Variants in CLIC6 observed in about 807,000 individuals in gnomAD.
CLIC6 encodes chloride intracellular channel protein 6.
Under a neutral mutation model 49.2 loss-of-function variants are expected in CLIC6, and 39 were observed. That is an observed-to-expected ratio of 0.79 (90% CI 0.61 to 1.04). The LOEUF (loss-of-function observed/expected upper bound fraction) is 1.04. Ranked by LOEUF, CLIC6 falls within the 50% of genes least tolerant of loss-of-function variation. CLIC6 has a pLI of 0.00. For missense variants in CLIC6, 988 were observed against 993.1 expected (o/e 0.99, Z 0.07); for synonymous variants, 446 against 433.4 (o/e 1.03, Z -0.36).
At chr21:34,711,528 C>CAAAT (rs35370301) in intron 5 of CLIC6, among the ~76,000 whole-genome samples, 247 of 148,412 alleles carry the variant, frequency 1.7e-3, no homozygotes, top group Non-Finnish European at 2.0e-3. Flanking sequence ...AATAAACAAA[C>CAAAT]AAATAAATAA....
chr21:34,704,149 A>G (rs2055998564), intron 1 of CLIC6, among the ~76,000 whole-genome samples: 1 of 152,246 alleles, frequency 6.6e-6, no homozygotes, highest in African/African-American at 2.4e-5. Context: ...TTATGGCGAC[A>G]GTGTCAGTTA....
intron 1 of CLIC6, among the ~76,000 whole-genome samples, chr21:34,694,271 G>A (rs61634545): frequency 0.017 from 2,568 of 150,902 alleles, 77 homozygotes; most frequent in African/African-American, 0.06. Flanking sequence ...GAGCCATCGC[G>A]CCCGGCCAAG....
At chr21:34,670,876 A>G (rs1015308154) in intron 1 of CLIC6, 114 bp downstream of exon 1, 3 of 1,208,794 alleles carry the variant, frequency 2.5e-6, no homozygotes, top group Middle Eastern at 2.4e-4. Context: ...CCTGATTGTC[A>G]TCAGGCGCTT....
intron 1 of CLIC6, among the ~76,000 whole-genome samples, chr21:34,693,980 T>TC (rs1990045773): frequency 1.4e-5 from 2 of 141,288 alleles, no homozygotes; most frequent in South Asian, 4.3e-4. Context: ...GTTTTCTTTT[T>TC]TTTTTTTTTT....
At chr21:34,700,218 A>G (rs960107877) in intron 1 of CLIC6, among the ~76,000 whole-genome samples, 1 of 151,728 alleles carries the variant, frequency 6.6e-6, no homozygotes, top group Admixed American at 6.6e-5. Flanking sequence ...TTGGCCGAGG[A>G]GGGCGGATCA....
At chr21:34,707,685 G>A (rs1169361193) in intron 2 of CLIC6, among the ~76,000 whole-genome samples, 1 of 152,154 alleles carries the variant, frequency 6.6e-6, no homozygotes, top group East Asian at 1.9e-4. Flanking sequence ...ATAACACTGG[G>A]GAGAGTTAAC....
chr21:34,690,015 T>C (rs1989960705), intron 1 of CLIC6, among the ~76,000 whole-genome samples: 1 of 152,244 alleles, frequency 6.6e-6, no homozygotes, highest in African/African-American at 2.4e-5. Context: ...TCCTTTATTC[T>C]TGGAAAAGAC....
intron 1 of CLIC6, among the ~76,000 whole-genome samples, chr21:34,686,294 G>A (rs1303642413): frequency 6.6e-6 from 1 of 152,172 alleles, no homozygotes; most frequent in African/African-American, 2.4e-5. Flanking sequence ...TCAGCTACTT[G>A]GGTGGCTGAG....
intron 1 of CLIC6, among the ~76,000 whole-genome samples, chr21:34,692,946 T>G (rs1990022288): frequency 6.6e-6 from 1 of 152,190 alleles, no homozygotes; most frequent in South Asian, 2.1e-4. Flanking sequence ...GCATATGGGG[T>G]GACCCTACTC....
chr21:34,708,380 T>G (rs748421744), intron 3 of CLIC6, among the ~76,000 whole-genome samples: 4 of 152,084 alleles, frequency 2.6e-5, no homozygotes, highest in Non-Finnish European at 5.9e-5. Flanking sequence ...GTATCATGGA[T>G]TTTTGGACCT....
chr21:34,670,514 C>A lies in CLIC6; in HGVS notation c.1126C>A (p.Arg376=). Residue 376 remains arginine, a synonymous_variant, in exon 1 of 6, where the codon CGG becomes AGG. Transcript: ENST00000349499. ...GGGGGAGGACGAAGAGAGACGAGAG[C>A]GGAGCCCGGAGGGGCCAAGGGAGGA... ...EPGEDEERRE[R]SPEGPREEEA... 1 of 1,493,676 alleles carries A rather than the reference C, an allele frequency of 6.7e-7. No individual in the cohort carries two copies. Among genetic ancestry groups the A allele is most frequent in the Non-Finnish European group, 8.9e-7 (1 of 1,121,030 alleles). The allele number at this position is 1,493,676 out of a possible 1,614,324, so 92.5% of individuals were successfully genotyped here. A position where few individuals can be genotyped will look rare whatever the true frequency, so the allele number is the denominator to read the frequency against.
intron 1 of CLIC6, among the ~76,000 whole-genome samples, chr21:34,691,064 G>A (rs1989983845): frequency 2.0e-5 from 3 of 152,112 alleles, no homozygotes; most frequent in South Asian, 4.1e-4. Context: ...GGAAGGTAAA[G>A]TTTCCAGATA....
chr21:34,716,471 A>C lies in CLIC6; in HGVS notation c.2050A>C (p.Arg684=), dbSNP rs546336753. 4.3e-6 allele frequency: 7 copies of C among 1,610,042 alleles called. No individual in the cohort carries two copies. The highest frequency in any genetic ancestry group is 5.9e-6 in the Non-Finnish European group (7 of 1,178,518). The change falls in exon 6 of 6, where the codon AGA becomes CGA. Residue 684 remains arginine, a synonymous_variant. Coordinates refer to ENST00000349499, the MANE Select transcript of CLIC6 (RefSeq NM_053277.3). ...ACACGCATATTCAGATGTTGCAAAA[A>C]GAATGAAATGAAGCTGGGCTGTTTT... ...IEHAYSDVAK[R]MK
At chr21:34,671,131 AAAAAAAAAAAAG>A (rs1481982820) in intron 1 of CLIC6, among the ~76,000 whole-genome samples, 3 of 103,914 alleles carry the variant, frequency 2.9e-5, no homozygotes, top group East Asian at 5.8e-4. Flanking sequence ...TAAAAAAAAA[AAAAAAAAAAAAG>A]AAGAAGAAGA....
intron 1 of CLIC6, among the ~76,000 whole-genome samples, chr21:34,685,130 G>C (rs1236591080): frequency 6.6e-6 from 1 of 152,166 alleles, no homozygotes; most frequent in African/African-American, 2.4e-5. Flanking sequence ...GGGTGGCAGG[G>C]TGGGGGGTGG....
chr21:34,717,347 C>A lies in CLIC6; in HGVS notation c.*865C>A, dbSNP rs747488601. On this transcript the variant is annotated 3_prime_UTR_variant, in exon 6 of 6. Transcript: ENST00000349499. ...AGCACACTTTGGTTCCTTCTCCGGGCGGCTCTCTCTGAGACCCAAGGCTGC... is the reference window on the plus strand; with the variant it reads ...AGCACACTTTGGTTCCTTCTCCGGGAGGCTCTCTCTGAGACCCAAGGCTGC... 6.6e-6 allele frequency: 1 copy of A among 152,240 alleles called. No individual in the cohort carries two copies. The highest frequency in any genetic ancestry group is 2.4e-5 in the African/African-American group (1 of 41,434). The allele number at this position is 152,240 out of a possible 1,614,324, so 9.4% of individuals were successfully genotyped here.
intron 1 of CLIC6, among the ~76,000 whole-genome samples, chr21:34,688,567 A>G (rs1989927802): frequency 6.6e-6 from 1 of 152,182 alleles, no homozygotes; most frequent in African/African-American, 2.4e-5. Flanking sequence ...GCTCCACCTC[A>G]GGTAGCTCCA....
At position 34,701,030 on chromosome 21, in the gene CLIC6, G is replaced by C. The variant is rs1047777330; in HGVS notation, c.1375-6250G>C. 2.9e-5 allele frequency among the ~76,000 whole-genome samples: 4 copies of C among 138,978 alleles called. 1 individual carries two copies. The highest frequency in any genetic ancestry group is 7.0e-5 in the Admixed American group (1 of 14,364). The allele number at this position is 138,978 out of a possible 152,430, so 91.2% of individuals were successfully genotyped here. ...TAATTTTCACTTGGAGTAGGTATAG[G>C]ATGTGTTACTTTTTAGGAGAAAAAA... On this transcript the variant is annotated intron_variant, in intron 1 of 5. Coordinates refer to ENST00000349499, the MANE Select transcript of CLIC6 (RefSeq NM_053277.3).
At chr21:34,710,250 CCTGGGTGA>C (rs1222402417) in intron 5 of CLIC6, among the ~76,000 whole-genome samples, 2 of 152,052 alleles carry the variant, frequency 1.3e-5, no homozygotes, top group Non-Finnish European at 2.9e-5. Context: ...TGCACTCTGG[CCTGGGTGA>C]CAGAGTGAGA....
Sources: gnomAD v4.1 joint callset for allele counts (sites outside exome capture counted in the v4.1 genomes callset) on GRCh38, gnomAD v4.1.1 for gene constraint, MANE v1.5 for transcripts, NCBI Gene and HGNC (gene_info 2026-07-23, HGNC 2026-07-21) for gene names.